Variants in CPQ observed in about 807,000 individuals in gnomAD.
CPQ encodes the protein carboxypeptidase Q, also known as Ser-Met dipeptidase.
A neutral mutation model predicts 45.7 loss-of-function variants in CPQ; 37 were observed. The ratio of observed to expected loss-of-function variants is 0.81; its 90% CI spans 0.62 to 1.07. CPQ has a LOEUF of 1.07. Ranked by LOEUF, CPQ falls within the 50% of genes least tolerant of loss-of-function variation. CPQ has a pLI of 0.00. For synonymous variants in CPQ, 186 were observed against 205.8 expected (o/e 0.90, Z 0.82); for missense variants, 537 against 572.9 (o/e 0.94, Z 0.64).
At chr8:96,741,623 T>C (rs1810093466) in intron 1 of CPQ, among the ~76,000 whole-genome samples, 1 of 152,206 alleles carries the variant, frequency 6.6e-6, no homozygotes, top group Admixed American at 6.5e-5. Flanking sequence ...GTGCTATAAA[T>C]TTCCCTCTAC....
chr8:97,077,541 G>A (rs1193443051), intron 7 of CPQ, among the ~76,000 whole-genome samples: 2 of 152,182 alleles, frequency 1.3e-5, no homozygotes, highest in Non-Finnish European at 1.5e-5. Flanking sequence ...AGGGAGCCAT[G>A]TACAATCTGT....
chr8:96,833,988 GT>G (rs768592045), intron 2 of CPQ, among the ~76,000 whole-genome samples: 2 of 152,180 alleles, frequency 1.3e-5, no homozygotes, highest in Non-Finnish European at 2.9e-5. Flanking sequence ...TTGATACTTT[GT>G]TTTTTACTGA....
intron 5 of CPQ, among the ~76,000 whole-genome samples, chr8:97,027,767 G>A (rs1327345343): frequency 1.3e-5 from 2 of 152,176 alleles, no homozygotes; most frequent in African/African-American, 4.8e-5. Context: ...CACCTAATGT[G>A]TGTCAAACAA....
At chr8:96,818,760 G>A (rs985176634) in intron 2 of CPQ, among the ~76,000 whole-genome samples, 2 of 152,052 alleles carry the variant, frequency 1.3e-5, no homozygotes, top group African/African-American at 4.8e-5. Flanking sequence ...GTATTACCCT[G>A]CCCTGAACTG....
At chr8:96,845,461 C>G (rs1007460837) in intron 3 of CPQ, among the ~76,000 whole-genome samples, 2 of 152,120 alleles carry the variant, frequency 1.3e-5, no homozygotes, top group Non-Finnish European at 2.9e-5. Context: ...CAGATACATA[C>G]TGTATTATAG....
chr8:96,699,013 G>T (rs1187151609), intron 1 of CPQ, among the ~76,000 whole-genome samples: 1 of 152,134 alleles, frequency 6.6e-6, no homozygotes, highest in Non-Finnish European at 1.5e-5. Flanking sequence ...TCAGTATATT[G>T]AAGAGATATC....
intron 5 of CPQ, among the ~76,000 whole-genome samples, chr8:97,002,558 G>T (rs1476237775): frequency 2.0e-5 from 3 of 152,138 alleles, no homozygotes; most frequent in Admixed American, 6.6e-5. Context: ...CAATTTCCAT[G>T]TAATTGTATG....
intron 5 of CPQ, among the ~76,000 whole-genome samples, chr8:97,000,438 A>G (rs1809257145): frequency 6.6e-6 from 1 of 152,154 alleles, no homozygotes; most frequent in African/African-American, 2.4e-5. Flanking sequence ...GAAGGGGTCC[A>G]GTTTCAGTTT....
Position 96,926,841 on chromosome 8 carries a change from G to A in CPQ, c.850-39094G>A, listed in dbSNP as rs188982363. On this transcript the variant is annotated intron_variant, in intron 4 of 7. Transcript: ENST00000220763. ...ATCCCTCCTCTAGCCCCCAAGCCCC[G>A]GAGAGGCCCCAGTGTGTGATGTTCC... Among the ~76,000 whole-genome samples, 167 of 151,766 alleles carry A rather than the reference G, an allele frequency of 1.1e-3. 1 individual carries two copies. Among genetic ancestry groups the A allele is most frequent in the African/African-American group, 3.7e-3 (151 of 41,352 alleles).
At chr8:96,721,641 C>T (rs970499375) in intron 1 of CPQ, among the ~76,000 whole-genome samples, 3 of 151,978 alleles carry the variant, frequency 2.0e-5, no homozygotes, top group African/African-American at 7.2e-5. Flanking sequence ...TTTTGAAACA[C>T]AAAAACACAA....
At chr8:96,842,124 T>A (rs1284180933) in intron 3 of CPQ, among the ~76,000 whole-genome samples, 3 of 152,144 alleles carry the variant, frequency 2.0e-5, no homozygotes, top group African/African-American at 7.2e-5. Flanking sequence ...AAGAGGTCTA[T>A]TTTGGATGAT....
In CPQ at chr8:97,123,066, A is replaced by ATAAAATAAAT. The variant is rs1390093632; in HGVS notation, c.1256-19954_1256-19953insTAAAATAAAT. Among the ~76,000 whole-genome samples the ATAAAATAAAT allele has an allele frequency of 3.5e-3, 165 of 47,808 alleles. 26 individuals carry two copies. Among genetic ancestry groups the ATAAAATAAAT allele is most frequent in the African/African-American group, 0.023 (155 of 6,662 alleles). 31.4% of individuals were successfully genotyped at this position (47,808 alleles called of 152,430 possible). A position where few individuals can be genotyped will look rare whatever the true frequency, so the allele number is the denominator to read the frequency against. On this transcript the variant is annotated intron_variant, in intron 7 of 7. Transcript: ENST00000220763. ...AATAAATAAAATAAAATAAAATAAA[A>ATAAAATAAAT]AAAATAAAATAAAATAAATAAAATA...
intron 1 of CPQ, among the ~76,000 whole-genome samples, chr8:96,775,664 A>G (rs1330259988): frequency 6.6e-6 from 1 of 152,228 alleles, no homozygotes; most frequent in African/African-American, 2.4e-5. Flanking sequence ...ATTCGTATAC[A>G]CAATAGAGTT....
intron 4 of CPQ, among the ~76,000 whole-genome samples, chr8:96,913,198 A>G (rs894012785): frequency 2.0e-5 from 3 of 152,264 alleles, no homozygotes; most frequent in Non-Finnish European, 4.4e-5. Flanking sequence ...GCAACCATGT[A>G]TATAGCTCCA....
chr8:96,823,052 T>C (rs528479594), intron 2 of CPQ, among the ~76,000 whole-genome samples: 7 of 152,130 alleles, frequency 4.6e-5, no homozygotes, highest in African/African-American at 1.7e-4. Flanking sequence ...TTTCCAAGCC[T>C]ACCTCGTCAT....
At chr8:96,682,727 T>C (rs1252048972) in intron 1 of CPQ, among the ~76,000 whole-genome samples, 2 of 152,246 alleles carry the variant, frequency 1.3e-5, no homozygotes, top group Admixed American at 6.5e-5. Flanking sequence ...AGGTTTTAAC[T>C]TAAAGTCTGT....
intron 1 of CPQ, among the ~76,000 whole-genome samples, chr8:96,720,143 A>G (rs1268560392): frequency 6.6e-6 from 1 of 152,188 alleles, no homozygotes; most frequent in Non-Finnish European, 1.5e-5. Flanking sequence ...ATATATCAAG[A>G]CGATATTTTC....
chr8:97,012,642 T>G (rs1252653844), intron 5 of CPQ, among the ~76,000 whole-genome samples: 1 of 152,140 alleles, frequency 6.6e-6, no homozygotes, highest in Non-Finnish European at 1.5e-5. Context: ...TAGACAATAT[T>G]CCCCTGAGGT....
At chr8:96,794,685 T>G (rs1297272944) in intron 2 of CPQ, among the ~76,000 whole-genome samples, 1 of 152,208 alleles carries the variant, frequency 6.6e-6, no homozygotes, top group African/African-American at 2.4e-5. Context: ...TCTGCTTCCC[T>G]TATAAAACTG....
Sources: gnomAD v4.1 joint callset for allele counts (sites outside exome capture counted in the v4.1 genomes callset) on GRCh38, gnomAD v4.1.1 for gene constraint, MANE v1.5 for transcripts, NCBI Gene and HGNC (gene_info 2026-07-23, HGNC 2026-07-21) for gene names.